PAPSS1: variants seen among roughly 807,000 people sequenced by gnomAD.
PAPSS1 encodes 3'-phosphoadenosine 5'-phosphosulfate synthase 1.
PAPSS1 carries 50 observed loss-of-function variants against 72.0 expected under a neutral mutation model. The ratio of observed to expected loss-of-function variants is 0.69; its 90% CI spans 0.55 to 0.88. The LOEUF (loss-of-function observed/expected upper bound fraction) is 0.88, where lower values mean the gene tolerates loss of function less well. Ranked by LOEUF, PAPSS1 falls within the 40% of genes least tolerant of loss-of-function variation. The pLI is 0.00. For synonymous variants in PAPSS1, 261 were observed against 263.6 expected, an observed-to-expected ratio of 0.99 and a Z score of 0.09; for missense variants, 657 against 782.2, an observed-to-expected ratio of 0.84 and a Z score of 1.91.
chr4:107,651,974 T>G (rs988792862), intron 9 of PAPSS1, among the ~76,000 whole-genome samples: 2 of 152,212 alleles, frequency 1.3e-5, no homozygotes, highest in Admixed American at 6.5e-5. Context: ...AGGCAGAGTC[T>G]GAACACAGAA....
At chr4:107,685,150 A>G (rs1353695164) in intron 4 of PAPSS1, among the ~76,000 whole-genome samples, 1 of 152,158 alleles carries the variant, frequency 6.6e-6, no homozygotes, top group Non-Finnish European at 1.5e-5. Context: ...ATTTTACAAG[A>G]GTTCAACTCT....
Position 107,631,724 on chromosome 4 carries a change from A to G in PAPSS1, c.1643T>C (p.Met548Thr). 6.2e-7 allele frequency: 1 copy of G among 1,614,150 alleles called. No homozygotes were observed. The highest frequency in any genetic ancestry group is 1.1e-5 in the South Asian group (1 of 91,084). Residue 548 changes from methionine (M) to threonine (T), a missense_variant, in exon 11 of 12, where the codon ATG (methionine) becomes ACG (threonine). Met to Thr is a moderately conservative substitution (Grantham distance 81). Transcript: ENST00000265174. ...EPSHGAKVLT[M>T]APGLITLEIV... ...TTCCAAAGTGATTAAACCAGGGGCC[A>G]TCGTCAGCACTTTGGCACCATGACT... is the stretch of plus-strand genomic sequence containing the variant.
At position 107,614,107 on chromosome 4, in the gene PAPSS1, C is replaced by T; in HGVS notation, c.*142G>A. ...TCAAAACAGAACTCATAAGGCAGAC[C>T]AAAACTGATGCAAGTTAAGGAAAAT... On this transcript the variant is annotated 3_prime_UTR_variant, in exon 12 of 12. Coordinates refer to ENST00000265174, the MANE Select transcript of PAPSS1 (RefSeq NM_005443.5). The T allele has an allele frequency of 1.3e-6, 1 of 776,258 alleles. No homozygotes were observed. The highest frequency in any genetic ancestry group is 2.0e-6 in the Non-Finnish European group (1 of 495,958). The allele number at this position is 776,258 out of a possible 1,614,324, so 48.1% of individuals were successfully genotyped here.
intron 10 of PAPSS1, among the ~76,000 whole-genome samples, chr4:107,644,205 T>C (rs910662440): frequency 1.3e-5 from 2 of 152,136 alleles, no homozygotes; most frequent in African/African-American, 2.4e-5. Context: ...CTCCAAAATA[T>C]GGCACCTTGG....
chr4:107,716,014 C>T (rs1446981961), intron 1 of PAPSS1, among the ~76,000 whole-genome samples: 1 of 152,194 alleles, frequency 6.6e-6, no homozygotes, highest in Admixed American at 6.5e-5. Context: ...ACATATGGAG[C>T]TTATTCCGTT....
At chr4:107,717,572 G>T (rs1723670874) in intron 1 of PAPSS1, among the ~76,000 whole-genome samples, 1 of 152,132 alleles carries the variant, frequency 6.6e-6, no homozygotes, top group African/African-American at 2.4e-5. Context: ...TTCAGCCCAG[G>T]CAGTCAGCTC....
chr4:107,678,444 C>G (rs1727718803), intron 5 of PAPSS1, among the ~76,000 whole-genome samples: 1 of 151,826 alleles, frequency 6.6e-6, no homozygotes, highest in Non-Finnish European at 1.5e-5. Context: ...CTTTCTTGAG[C>G]CCATTGCAGA....
At chr4:107,694,185 C>T in intron 2 of PAPSS1, 179 bp from the exon 3 acceptor site, 4 of 566,564 alleles carry the variant, frequency 7.1e-6, no homozygotes, top group Non-Finnish European at 9.4e-6. Flanking sequence ...CTCAGCCTTC[C>T]AAATAGCTAG....
intron 1 of PAPSS1, among the ~76,000 whole-genome samples, chr4:107,710,846 C>T (rs1053005270): frequency 6.6e-6 from 1 of 152,220 alleles, no homozygotes; most frequent in African/African-American, 2.4e-5. Context: ...CGCACCCATA[C>T]AATGTCAGCA....
chr4:107,673,371 C>G (rs1036499131), intron 5 of PAPSS1, among the ~76,000 whole-genome samples: 39 of 151,994 alleles, frequency 2.6e-4, no homozygotes, highest in Non-Finnish European at 4.1e-4. Context: ...CTTAAAGGAC[C>G]TGATGGAGCT....
At chr4:107,667,972 A>C (rs952053393) in intron 5 of PAPSS1, among the ~76,000 whole-genome samples, 1 of 152,214 alleles carries the variant, frequency 6.6e-6, no homozygotes. Flanking sequence ...AGAAATAATA[A>C]ATCTTTCTAA....
intron 4 of PAPSS1, among the ~76,000 whole-genome samples, chr4:107,685,168 G>A (rs768584028): frequency 2.6e-5 from 4 of 152,028 alleles, no homozygotes; most frequent in Non-Finnish European, 4.4e-5. Flanking sequence ...TCTTTTTGTC[G>A]CCAAAGCATT....
intron 5 of PAPSS1, among the ~76,000 whole-genome samples, chr4:107,669,836 TC>T (rs1727425060): frequency 1.3e-5 from 2 of 152,104 alleles, no homozygotes; most frequent in African/African-American, 4.8e-5. Flanking sequence ...ATAACCAGAA[TC>T]CCTTTCTGGA....
chr4:107,617,875 T>C (rs913726867), intron 11 of PAPSS1, among the ~76,000 whole-genome samples: 1 of 152,182 alleles, frequency 6.6e-6, no homozygotes, highest in African/African-American at 2.4e-5. Flanking sequence ...TCCATGCAGA[T>C]GAGCTGGTTA....
intron 10 of PAPSS1, among the ~76,000 whole-genome samples, chr4:107,639,247 A>C (rs1245119459): frequency 6.6e-6 from 1 of 152,240 alleles, no homozygotes; most frequent in Non-Finnish European, 1.5e-5. Flanking sequence ...AAATAAGTTC[A>C]GTTTTCAAGA....
intron 5 of PAPSS1, among the ~76,000 whole-genome samples, chr4:107,669,402 T>A (rs1049732899): frequency 6.6e-6 from 1 of 152,220 alleles, no homozygotes; most frequent in African/African-American, 2.4e-5. Context: ...CATTTTTAAA[T>A]TCTACATCAT....
intron 5 of PAPSS1, among the ~76,000 whole-genome samples, chr4:107,675,595 T>C (rs55667398): frequency 0.24 from 36,909 of 152,114 alleles, 5,098 homozygotes; most frequent in Middle Eastern, 0.34. Flanking sequence ...AGCCAAATTC[T>C]ACCAGAGGTA....
rs758971403 is a variant in PAPSS1, at chr4:107,619,885, G to GA, written c.1737-5499dup. 1.0e-3 allele frequency among the ~76,000 whole-genome samples: 159 copies of GA among 152,210 alleles called. 1 individual carries two copies. The highest frequency in any genetic ancestry group is 2.0e-3 in the Non-Finnish European group (138 of 67,988). The stretch of plus-strand genomic sequence containing the variant: ...GAAGAGGTTAGAACAGCAAGGAGGG[G>GA]AAAAAAACCCGAAATGAGCAGAATA... On this transcript the variant is annotated intron_variant, in intron 11 of 11. Transcript: ENST00000265174.
At chr4:107,619,453 G>A (rs561269718) in intron 11 of PAPSS1, among the ~76,000 whole-genome samples, 2 of 152,210 alleles carry the variant, frequency 1.3e-5, no homozygotes, top group African/African-American at 4.8e-5. Context: ...GTCACATAAG[G>A]ATTTTAACTT....
Sources: gnomAD v4.1 joint callset for allele counts (sites outside exome capture counted in the v4.1 genomes callset) on GRCh38, gnomAD v4.1.1 for gene constraint, MANE v1.5 for transcripts, NCBI Gene and HGNC (gene_info 2026-07-23, HGNC 2026-07-21) for gene names.